NOX4: variants seen among roughly 807,000 people sequenced by gnomAD.
NOX4 encodes the protein kidney oxidase-1.
NOX4 carries 69 observed loss-of-function variants against 87.6 expected under a neutral mutation model. That is an observed-to-expected ratio of 0.79 (90% CI 0.65 to 0.96). The LOEUF (loss-of-function observed/expected upper bound fraction) is 0.96. NOX4 is among the 40% of genes least tolerant of loss of function. NOX4 has a pLI of 0.00. For missense variants in NOX4, 680 were observed against 681.5 expected, an observed-to-expected ratio of 1.00 and a Z score of 0.02; for synonymous variants, 275 against 238.2, an observed-to-expected ratio of 1.15 and a Z score of -1.42.
At chr11:89,345,959 G>A (rs1355087370) in intron 13 of NOX4, among the ~76,000 whole-genome samples, 1 of 152,048 alleles carries the variant, frequency 6.6e-6, no homozygotes, top group Non-Finnish European at 1.5e-5. Flanking sequence ...CAATCAAGTA[G>A]GAGAAAGAAA....
At chr11:89,435,588 A>G (rs5027032) in intron 6 of NOX4, among the ~76,000 whole-genome samples, 13,993 of 152,112 alleles carry the variant, frequency 0.092, 801 homozygotes, top group South Asian at 0.21. Context: ...TTAAACTTAA[A>G]TATTTTCTTA....
At chr11:89,425,897 C>A (rs12421004) in intron 7 of NOX4, among the ~76,000 whole-genome samples, 10 of 152,020 alleles carry the variant, frequency 6.6e-5, no homozygotes, top group Admixed American at 6.6e-4. Context: ...AATTTCACAT[C>A]TGAACAAGTA....
the NOX4 span, among the ~76,000 whole-genome samples, chr11:89,586,755 T>C: frequency 2.0e-5 from 3 of 152,120 alleles, no homozygotes; most frequent in Admixed American, 2.0e-4. Flanking sequence ...AAACAACACT[T>C]CACCTGGGTC....
chr11:89,534,589 G>GT, the NOX4 span, among the ~76,000 whole-genome samples: 5 of 152,186 alleles, frequency 3.3e-5, no homozygotes, highest in African/African-American at 1.2e-4. Context: ...CTTCTGTACA[G>GT]CTCTTGCCAG....
Position 89,340,138 on chromosome 11 carries a change from T to C in NOX4, c.1371A>G (p.Leu457=), listed in dbSNP as rs769432775. 6 of 1,595,354 alleles carry C rather than the reference T, an allele frequency of 3.8e-6. No individual in the cohort carries two copies. In the African/African-American group the frequency reaches 4.1e-5, roughly 11 times the overall value. Reference sequence around the variant, plus strand: ...TATCTCTGCATACCCAAATAAAGTATAGTCTTCTAAGCTTGTATGGTTTCC... The same window carrying C: ...TATCTCTGCATACCCAAATAAAGTACAGTCTTCTAAGCTTGTATGGTTTCC... ...DDWKPYKLRR[L]YFIWVCRDIQ... is the part of the protein sequence containing the mutation. Residue 457 remains leucine, a synonymous_variant, in exon 15 of 18, where the codon CTA becomes CTG. Coordinates refer to ENST00000263317, the MANE Select transcript of NOX4 (RefSeq NM_016931.5).
intron 17 of NOX4, among the ~76,000 whole-genome samples, chr11:89,334,240 C>T (rs1208938248): frequency 6.6e-6 from 1 of 151,608 alleles, no homozygotes; most frequent in Non-Finnish European, 1.5e-5. Context: ...ACAAGATTAT[C>T]ACATCTAAGA....
At chr11:89,330,344 G>A (rs1245447809) in intron 17 of NOX4, among the ~76,000 whole-genome samples, 2 of 151,956 alleles carry the variant, frequency 1.3e-5, no homozygotes, top group Non-Finnish European at 2.9e-5. Flanking sequence ...GCAATACTCT[G>A]TCTCTAAAAA....
At chr11:89,526,300 A>G in the NOX4 span, among the ~76,000 whole-genome samples, 1 of 152,168 alleles carries the variant, frequency 6.6e-6, no homozygotes, top group African/African-American at 2.4e-5. Context: ...CATCTGATAT[A>G]TTTTGATGCA....
the NOX4 span, among the ~76,000 whole-genome samples, chr11:89,515,185 A>AT: frequency 6.6e-6 from 1 of 152,048 alleles, no homozygotes; most frequent in East Asian, 1.9e-4. Context: ...TAAGACACTG[A>AT]TAAATTCTAT....
At chr11:89,421,013 T>C (rs552361256) in intron 8 of NOX4, among the ~76,000 whole-genome samples, 1 of 152,282 alleles carries the variant, frequency 6.6e-6, no homozygotes, top group Admixed American at 6.5e-5. Flanking sequence ...AGGTAGACCA[T>C]GCTTACCCAC....
intron 11 of NOX4, among the ~76,000 whole-genome samples, chr11:89,387,784 T>C (rs773361030): frequency 6.6e-6 from 1 of 152,178 alleles, no homozygotes; most frequent in Non-Finnish European, 1.5e-5. Context: ...TTTCCAATCA[T>C]CTCTAATTTA....
intron 6 of NOX4, among the ~76,000 whole-genome samples, chr11:89,437,044 C>T (rs1812612376): frequency 6.6e-6 from 1 of 151,804 alleles, no homozygotes; most frequent in African/African-American, 2.4e-5. Flanking sequence ...AAACAAAAAT[C>T]CATGAAATCT....
intron 11 of NOX4, among the ~76,000 whole-genome samples, chr11:89,376,774 C>T (rs1355390542): frequency 6.6e-6 from 1 of 152,112 alleles, no homozygotes; most frequent in Non-Finnish European, 1.5e-5. Flanking sequence ...CCCAGATACT[C>T]GGGAGGCTGA....
At chr11:89,531,963 C>T in the NOX4 span, among the ~76,000 whole-genome samples, 2 of 152,186 alleles carry the variant, frequency 1.3e-5, no homozygotes, top group African/African-American at 2.4e-5. Flanking sequence ...GCCTTGGCAG[C>T]TTCCGTGTGG....
the NOX4 span, among the ~76,000 whole-genome samples, chr11:89,526,654 G>C: frequency 2.3e-3 from 350 of 152,190 alleles, no homozygotes; most frequent in Non-Finnish European, 3.3e-3. Context: ...GGTTTTTTAA[G>C]GGGCTCTTCC....
At chr11:89,439,543 C>T (rs1269005362) in intron 6 of NOX4, among the ~76,000 whole-genome samples, 2 of 152,074 alleles carry the variant, frequency 1.3e-5, no homozygotes, top group African/African-American at 4.8e-5. Flanking sequence ...AAAAATAATG[C>T]ATTTGCCAGG....
chr11:89,354,563 G>A (rs776611720), intron 13 of NOX4, among the ~76,000 whole-genome samples: 5 of 152,068 alleles, frequency 3.3e-5, no homozygotes, highest in African/African-American at 4.8e-5. Context: ...TCTAGCCCAC[G>A]GCTATTTTGA....
intron 2 of NOX4, among the ~76,000 whole-genome samples, chr11:89,475,980 ATAC>A (rs1219138682): frequency 6.6e-6 from 1 of 152,134 alleles, no homozygotes; most frequent in Non-Finnish European, 1.5e-5. Flanking sequence ...ATTTTAACAC[ATAC>A]TACAATTTTA....
intron 8 of NOX4, among the ~76,000 whole-genome samples, chr11:89,412,792 C>A (rs1466213239): frequency 1.3e-5 from 2 of 151,922 alleles, no homozygotes; most frequent in Non-Finnish European, 2.9e-5. Context: ...GAGTAATATC[C>A]CACAAGCAAA....
Sources: allele counts gnomAD v4.1 joint callset (sites outside exome capture counted in the v4.1 genomes callset), GRCh38; gene constraint gnomAD v4.1.1; transcripts MANE v1.5; gene names NCBI Gene and HGNC (gene_info 2026-07-23, HGNC 2026-07-21).